The following ZNF791 variants were observed in gnomAD, a reference collection of about 807,000 sequenced individuals.
The protein encoded by ZNF791 is zinc finger protein 791.
ZNF791 carries 4 observed loss-of-function variants against 11.5 expected under a neutral mutation model. The observed-to-expected ratio is 0.35, with a 90% confidence interval of 0.17 to 0.80. The LOEUF is 0.80. Ranked by LOEUF, ZNF791 falls within the 30% of genes least tolerant of loss-of-function variation. The pLI is 0.53. For synonymous variants in ZNF791, 212 were observed against 228.1 expected (o/e 0.93, Z 0.64); for missense variants, 559 against 699.4 (o/e 0.80, Z 2.26).
At chr19:12,626,644 A>G (rs939706514) in intron 3 of ZNF791, among the ~76,000 whole-genome samples, 6 of 151,770 alleles carry the variant, frequency 4.0e-5, no homozygotes, top group Admixed American at 6.6e-5. Context: ...TTGCTCTGTC[A>G]CCCAGGCTGG....
In ZNF791 at chr19:12,623,873, G is replaced by GGGC. The variant is rs5827159; in HGVS notation, c.130+49_130+50insCGG. ...CTTTTTTCTTTTTTTTTTTTTTTGG[G>GGGC]GGGGGACAGAGTTTCACTATTGTCC... is the stretch of plus-strand genomic sequence containing the variant. On this transcript the variant is annotated intron_variant, in intron 2 of 3. Transcript: ENST00000343325. 2.5e-5 allele frequency: 25 copies of GGGC among 992,138 alleles called. 5 individuals carry two copies. Among genetic ancestry groups the GGGC allele is most frequent in the Non-Finnish European group, 3.2e-5 (22 of 696,556 alleles). The allele number at this position is 992,138 out of a possible 1,614,324, so 61.5% of individuals were successfully genotyped here.
intron 1 of ZNF791, among the ~76,000 whole-genome samples, chr19:12,621,773 GGT>G (rs2023352087): frequency 9.5e-5 from 10 of 104,780 alleles, no homozygotes; most frequent in Admixed American, 1.9e-4. Context: ...AGGTGGGGGG[GGT>G]CAGCCCCCCC....
At chr19:12,626,628 G>A (rs1048056908) in intron 3 of ZNF791, among the ~76,000 whole-genome samples, 13 of 151,658 alleles carry the variant, frequency 8.6e-5, no homozygotes, top group Non-Finnish European at 1.2e-4. Flanking sequence ...TTTTTGAGAC[G>A]AAGTCTTGCT....
At chr19:12,623,620 T>C (rs1265360880) in intron 1 of ZNF791, 80 bp from the exon 2 acceptor site, 4 of 1,584,660 alleles carry the variant, frequency 2.5e-6, no homozygotes, top group East Asian at 2.2e-5. Context: ...CACAAAATCG[T>C]GTGTGAATTT....
In ZNF791 at chr19:12,627,807, A is replaced by G; in HGVS notation, c.278A>G (p.Lys93Arg). 6.2e-7 allele frequency: 1 copy of G among 1,614,200 alleles called. No individual in the cohort carries two copies. Among genetic ancestry groups the G allele is most frequent in the South Asian group, 1.1e-5 (1 of 91,086 alleles). The change falls in exon 4 of 4, where the codon AAG (lysine) becomes AGG (arginine). Residue 93 changes from lysine (K) to arginine (R), a missense_variant. Physicochemically the swap from Lys to Arg is conservative, Grantham distance 26. Coordinates refer to ENST00000343325, the MANE Select transcript of ZNF791 (RefSeq NM_153358.3). Reference protein sequence around the residue: ...NFSPNLSVTKKTAGVKPYECT... With the variant: ...NFSPNLSVTKRTAGVKPYECT... ...AGTCCCAATCTCAGTGTGACGAAGA[A>G]GACTGCCGGAGTAAAACCATATGAG...
intron 3 of ZNF791, among the ~76,000 whole-genome samples, chr19:12,627,446 G>C (rs1271492926): frequency 2.0e-5 from 3 of 151,894 alleles, no homozygotes; most frequent in Admixed American, 2.0e-4. Flanking sequence ...GACCAGCATG[G>C]TGAAACCACG....
At chr19:12,614,843 T>C (rs1224934752) in intron 1 of ZNF791, among the ~76,000 whole-genome samples, 1 of 142,626 alleles carries the variant, frequency 7.0e-6, no homozygotes, top group Non-Finnish European at 1.5e-5. Context: ...TCTGCCCACC[T>C]TGGCCTCCCA....
At chr19:12,611,302 G>C (rs1411477131) in intron 1 of ZNF791, among the ~76,000 whole-genome samples, 1 of 152,208 alleles carries the variant, frequency 6.6e-6, no homozygotes, top group Non-Finnish European at 1.5e-5. Flanking sequence ...CAGGGACCAC[G>C]GGAGGGTCCT....
In ZNF791 at chr19:12,611,109, G is replaced by A. The variant is rs747787194; in HGVS notation, c.3+27G>A. ...TGAGTGTGCAGGGCCGGACTAGTTG[G>A]AACCGGCCGTGATCGCGGGACCCGG... is the stretch of plus-strand genomic sequence containing the variant. On this transcript the variant is annotated intron_variant, in intron 1 of 3. Transcript: ENST00000343325. 1.3e-5 allele frequency: 21 copies of A among 1,613,564 alleles called. No individual in the cohort carries two copies. In the Admixed American group the frequency reaches 2.8e-4, roughly 22 times the overall value.
intron 3 of ZNF791, among the ~76,000 whole-genome samples, chr19:12,626,139 C>T (rs2023425164): frequency 6.6e-6 from 1 of 152,226 alleles, no homozygotes; most frequent in Non-Finnish European, 1.5e-5. Flanking sequence ...GCCTCCGCCT[C>T]CCAGGTAGCT....
Position 12,628,907 on chromosome 19 carries a change from A to G in ZNF791, c.1378A>G (p.Arg460Gly). The change falls in exon 4 of 4, where the codon AGA becomes GGA. Residue 460 changes from arginine to glycine, a missense_variant. Coordinates refer to ENST00000343325, the MANE Select transcript of ZNF791 (RefSeq NM_153358.3). ...TCCTAGTGCGTTACGAACACATGAA[A>G]GAACTCACACTGGAGAGAAACCCTA... The part of the protein sequence containing the change: ...IFPSALRTHE[R>G]THTGEKPYEC... 6.2e-7 allele frequency: 1 copy of G among 1,613,878 alleles called. No individual in the cohort carries two copies. The highest frequency in any genetic ancestry group is 1.1e-5 in the South Asian group (1 of 90,986).
chr19:12,625,507 G>A (rs1161391391), intron 3 of ZNF791, among the ~76,000 whole-genome samples: 2 of 151,734 alleles, frequency 1.3e-5, no homozygotes, highest in African/African-American at 4.8e-5. Flanking sequence ...TACTTGGGCC[G>A]GGCACTGTGC....
Position 12,633,306 on chromosome 19 carries a change from C to T in ZNF791, c.*4046C>T, listed in dbSNP as rs1409867860. 6.6e-6 allele frequency: 1 copy of T among 152,032 alleles called. No homozygotes were observed. The highest frequency in any genetic ancestry group is 1.5e-5 in the Non-Finnish European group (1 of 68,016). 9.4% of individuals were successfully genotyped at this position (152,032 alleles called of 1,614,324 possible). A position where few individuals can be genotyped will look rare whatever the true frequency, so the allele number is the denominator to read the frequency against. On this transcript the variant is annotated 3_prime_UTR_variant, in exon 4 of 4. Transcript: ENST00000343325. ...GACACCTGTGATAGGACAATAAAATCTAGAGCTGGACGTGGCCCTCCTGCT... is the reference window on the plus strand; with the variant it reads ...GACACCTGTGATAGGACAATAAAATTTAGAGCTGGACGTGGCCCTCCTGCT...
At chr19:12,622,154 GCATGCT>G in intron 1 of ZNF791, among the ~76,000 whole-genome samples, 1 of 131,946 alleles carries the variant, frequency 7.6e-6, no homozygotes, top group African/African-American at 2.7e-5. Context: ...CTTGAAGGCA[GCATGCT>G]CGTTAAGAGT....
chr19:12,615,092 T>G, intron 1 of ZNF791, among the ~76,000 whole-genome samples: 1 of 145,244 alleles, frequency 6.9e-6, no homozygotes, highest in East Asian at 2.1e-4. Flanking sequence ...TGATCATTGC[T>G]CACTGCAGCC....
intron 1 of ZNF791, among the ~76,000 whole-genome samples, chr19:12,619,424 G>T (rs1393066457): frequency 6.7e-6 from 1 of 149,550 alleles, no homozygotes; most frequent in Non-Finnish European, 1.5e-5. Flanking sequence ...GTTCTCTGTA[G>T]TCATCAACAC....
chr19:12,614,740 G>A (rs539115034), intron 1 of ZNF791, among the ~76,000 whole-genome samples: 21 of 151,664 alleles, frequency 1.4e-4, no homozygotes, highest in Admixed American at 9.2e-4. Context: ...GATTACAGGC[G>A]TGCGCCACCA....
At chr19:12,626,395 C>T (rs895646951) in intron 3 of ZNF791, among the ~76,000 whole-genome samples, 3 of 151,444 alleles carry the variant, frequency 2.0e-5, no homozygotes, top group Non-Finnish European at 2.9e-5. Context: ...GTGATCTGCC[C>T]GCCTCGGCCT....
intron 1 of ZNF791, 150 bp from the exon 2 acceptor site, chr19:12,623,550 A>C: frequency 1.1e-6 from 1 of 923,496 alleles, no homozygotes. Context: ...CTATAAGTTT[A>C]TGTGTTCAAT....
Sources: gnomAD v4.1 joint callset for allele counts (sites outside exome capture counted in the v4.1 genomes callset) on GRCh38, gnomAD v4.1.1 for gene constraint, MANE v1.5 for transcripts, NCBI Gene and HGNC (gene_info 2026-07-23, HGNC 2026-07-21) for gene names.